Variants in C1QTNF4 observed in about 807,000 individuals in gnomAD.
C1QTNF4 encodes C1q and TNF related 4, also known as complement C1q tumor necrosis factor-related protein 4.
Under a neutral mutation model 14.6 loss-of-function variants are expected in C1QTNF4, and 12 were observed. The observed-to-expected ratio is 0.82, with a 90% confidence interval of 0.53 to 1.33. The LOEUF is 1.33. Among genes scored for constraint, C1QTNF4 ranks in the 40% most tolerant of loss-of-function variants. The probability of loss-of-function intolerance (pLI) is 0.00; values close to 1 mark genes in which losing one functional copy is unlikely to be tolerated. For missense variants in C1QTNF4, 558 were observed against 500.3 expected (o/e 1.12, Z -1.10); for synonymous variants, 278 against 246.6 (o/e 1.13, Z -1.19).
At position 47,589,852 on chromosome 11, in the gene C1QTNF4, G is replaced by T; in HGVS notation, c.959C>A (p.Pro320Gln). 1 of 1,547,956 alleles carries T rather than the reference G, an allele frequency of 6.5e-7. No individual in the cohort carries two copies. Among genetic ancestry groups the T allele is most frequent in the Non-Finnish European group, 8.7e-7 (1 of 1,144,736 alleles). Residue 320 changes from proline (P) to glutamine (Q), a missense_variant, in exon 2 of 2, where the codon CCG becomes CAG. Physicochemically the swap from Pro to Gln is moderately conservative, Grantham distance 76 (BLOSUM62 -1). Transcript: ENST00000302514. ...TAGCTCCGAGGCCCCGAGGCCCGGC[G>T]GGGCGGCGGGGGCGAGGTCGGGGTA... Reference protein sequence around the residue: ...LVYPDLAPAAPPGLGASELL With the variant: ...LVYPDLAPAAQPGLGASELL
At chr11:47,594,736 AT>A, upstream of C1QTNF4, 2 of 152,492 alleles carry the variant, frequency 1.3e-5, no homozygotes, top group Non-Finnish European at 2.9e-5. Flanking sequence ...GGAAGGTGAG[AT>A]TTTGGCTGGG....
chr11:47,590,394 G>T lies in C1QTNF4; in HGVS notation c.417C>A (p.Ala139=). 6.8e-7 allele frequency: 1 copy of T among 1,473,462 alleles called. No homozygotes were observed. The highest frequency in any genetic ancestry group is 1.3e-5 in the South Asian group (1 of 75,246). 91.3% of individuals were successfully genotyped at this position (1,473,462 alleles called of 1,614,324 possible). The part of the protein sequence containing the change: ...GDTVWLRLHG[A]PQYALGAPGA... ...CGGGCGCGCCTAGCGCGTACTGCGG[G>T]GCGCCATGCAGCCGCAGCCACACTG... Residue 139 remains alanine, a synonymous_variant, in exon 2 of 2, where the codon GCC becomes GCA. Coordinates refer to ENST00000302514, the MANE Select transcript of C1QTNF4 (RefSeq NM_031909.3).
chr11:47,590,322 G>C lies in C1QTNF4; in HGVS notation c.489C>G (p.Asp163Glu), dbSNP rs751180497. 3.2e-6 allele frequency: 4 copies of C among 1,265,220 alleles called. No individual in the cohort carries two copies. The highest frequency in any genetic ancestry group is 4.0e-6 in the Non-Finnish European group (4 of 1,003,976). 78.4% of individuals were successfully genotyped at this position (1,265,220 alleles called of 1,614,324 possible). A position where few individuals can be genotyped will look rare whatever the true frequency, so the allele number is the denominator to read the frequency against. ...GYLVYADADA[D>E]APARGPPAPP... ...GCGCGGGCGGCCCGCGCGCAGGCGCGTCAGCGTCGGCGTCGGCGTAGACTA... is the reference window on the plus strand; with the variant it reads ...GCGCGGGCGGCCCGCGCGCAGGCGCCTCAGCGTCGGCGTCGGCGTAGACTA... The change falls in exon 2 of 2, where the codon GAC becomes GAG. Residue 163 changes from aspartate (D) to glutamate (E), a missense_variant. Coordinates refer to ENST00000302514, the MANE Select transcript of C1QTNF4 (RefSeq NM_031909.3).
At position 47,590,455 on chromosome 11, in the gene C1QTNF4, C is replaced by T; in HGVS notation, c.356G>A (p.Ser119Asn). Residue 119 changes from serine (S) to asparagine (N), a missense_variant, in exon 2 of 2, where the codon AGC becomes AAC. Ser to Asn is a conservative substitution (Grantham distance 46). Coordinates refer to ENST00000302514, the MANE Select transcript of C1QTNF4 (RefSeq NM_031909.3). ...GTCGAGCTGCAGCATGGCGCTCTGG[C>T]TGGCTGCGCGCCGCGCGCCTGGCCG... ...QRRPGARRAA[S>N]QSAMLQLDYG... 5 of 1,517,152 alleles carry T rather than the reference C, an allele frequency of 3.3e-6. No individual in the cohort carries two copies. The highest frequency in any genetic ancestry group is 2.5e-5 in the South Asian group (2 of 80,556). 94.0% of individuals were successfully genotyped at this position (1,517,152 alleles called of 1,614,324 possible). A position where few individuals can be genotyped will look rare whatever the true frequency, so the allele number is the denominator to read the frequency against.
chr11:47,589,872 G>A lies in C1QTNF4; in HGVS notation c.939C>T (p.Pro313=), dbSNP rs1312300949. The change falls in exon 2 of 2, where the codon CCC becomes CCT. Residue 313 remains proline, a synonymous_variant. Coordinates refer to ENST00000302514, the MANE Select transcript of C1QTNF4 (RefSeq NM_031909.3). ...CCGGCGGGGCGGCGGGGGCGAGGTC[G>A]GGGTACACCAGGAAGCCGGAGAAGG... The part of the protein sequence containing the change: ...YITFSGFLVY[P]DLAPAAPPGL... The A allele has an allele frequency of 4.5e-6, 7 of 1,555,494 alleles. No individual in the cohort carries two copies. Among genetic ancestry groups the A allele is most frequent in the Admixed American group, 3.9e-5 (2 of 51,370 alleles).
chr11:47,591,141 C>G (rs914000997), intron 1 of C1QTNF4, among the ~76,000 whole-genome samples: 2 of 151,520 alleles, frequency 1.3e-5, no homozygotes, highest in Non-Finnish European at 2.9e-5. Context: ...TGTAGTGGCA[C>G]GATCTCGTTT....
rs1360641181 is a variant in C1QTNF4, at chr11:47,590,060, G to T, written c.751C>A (p.Arg251Ser). Reference protein sequence around the residue: ...KTLSVKLMKNRDEVQAMIYDD... With the variant: ...KTLSVKLMKNSDEVQAMIYDD... ...TAAATCATGGCCTGCACCTCGTCGC[G>T]GTTCTTCATCAGCTTAACCGACAGC... Residue 251 changes from arginine (R) to serine (S), a missense_variant, in exon 2 of 2, where the codon CGC (arginine) becomes AGC (serine). Coordinates refer to ENST00000302514, the MANE Select transcript of C1QTNF4 (RefSeq NM_031909.3). 1 of 1,612,722 alleles carries T rather than the reference G, an allele frequency of 6.2e-7. No homozygotes were observed.
intron 1 of C1QTNF4, among the ~76,000 whole-genome samples, chr11:47,593,625 G>A (rs150678090): frequency 2.0e-5 from 3 of 152,224 alleles, no homozygotes; most frequent in African/African-American, 7.2e-5. Flanking sequence ...TCAGAGGTGT[G>A]GGAGGGTGTG....
Position 47,590,732 on chromosome 11 carries a change from C to T in C1QTNF4, c.79G>A (p.Glu27Lys). 1 of 1,608,058 alleles carries T rather than the reference C, an allele frequency of 6.2e-7. No homozygotes were observed. The highest frequency in any genetic ancestry group is 1.3e-5 in the African/African-American group (1 of 74,924). ...GCCGCCGAGAAGGCCGAGCGCAGCT[C>T]AGAGGATCCCGGGCCGGGGGTCGGG... ...LGPTPGPGSS[E>K]LRSAFSAART... is the part of the protein sequence containing the mutation. The change falls in exon 2 of 2, where the codon GAG (glutamate) becomes AAG (lysine). Residue 27 changes from glutamate (E) to lysine (K), a missense_variant. Coordinates refer to ENST00000302514, the MANE Select transcript of C1QTNF4 (RefSeq NM_031909.3).
At position 47,590,745 on chromosome 11, in the gene C1QTNF4, G is replaced by T; in HGVS notation, c.66C>A (p.Gly22=). 3.7e-6 allele frequency: 6 copies of T among 1,600,626 alleles called. No homozygotes were observed. The highest frequency in any genetic ancestry group is 5.1e-6 in the Non-Finnish European group (6 of 1,174,470). Residue 22 remains glycine (G), a synonymous_variant, in exon 2 of 2, where the codon GGC becomes GGA. Transcript: ENST00000302514. The stretch of plus-strand genomic sequence containing the variant: ...CCGAGCGCAGCTCAGAGGATCCCGG[G>T]CCGGGGGTCGGGCCCAGGGCCCAGC... ...AACWALGPTP[G]PGSSELRSAF... is the part of the protein sequence containing the mutation.
chr11:47,594,488 C>CT (rs2097277204), upstream of C1QTNF4: 1 of 152,464 alleles, frequency 6.6e-6, no homozygotes, highest in Admixed American at 6.5e-5. Context: ...AGGGGCTCCG[C>CT]ACGGAGTCTG....
chr11:47,591,626 G>A (rs1240387570), intron 1 of C1QTNF4, among the ~76,000 whole-genome samples: 2 of 151,956 alleles, frequency 1.3e-5, no homozygotes, highest in Non-Finnish European at 2.9e-5. Flanking sequence ...TTGACCTTGT[G>A]ATCCGCCTGC....
chr11:47,590,381 G>A lies in C1QTNF4; in HGVS notation c.430C>T (p.Leu144=), dbSNP rs567967350. The A allele has an allele frequency of 1.1e-4, 161 of 1,451,078 alleles. No individual in the cohort carries two copies. The South Asian group carries it at 1.4e-3, about 12-fold the overall frequency. 89.9% of individuals were successfully genotyped at this position (1,451,078 alleles called of 1,614,324 possible). A position where few individuals can be genotyped will look rare whatever the true frequency, so the allele number is the denominator to read the frequency against. The change falls in exon 2 of 2, where the codon CTA becomes TTA. Residue 144 remains leucine, a synonymous_variant. Coordinates refer to ENST00000302514, the MANE Select transcript of C1QTNF4 (RefSeq NM_031909.3). The stretch of plus-strand genomic sequence containing the variant: ...CTGAAGGTGGCGCCGGGCGCGCCTA[G>A]CGCGTACTGCGGGGCGCCATGCAGC... ...LRLHGAPQYA[L]GAPGATFSGY... is the part of the protein sequence containing the mutation.
chr11:47,590,018 G>A lies in C1QTNF4; in HGVS notation c.793C>T (p.Arg265Trp), dbSNP rs1215985881. 6.2e-7 allele frequency: 1 copy of A among 1,611,768 alleles called. No homozygotes were observed. Among genetic ancestry groups the A allele is most frequent in the Admixed American group, 1.7e-5 (1 of 59,858 alleles). ...CTCTGGCTCTGCATCTCGCGGCGCC[G>A]CGACGCGCCGTCGTCGTAAATCATG... is the stretch of plus-strand genomic sequence containing the variant. ...QAMIYDDGASRRREMQSQSVM... is the reference protein window; with the variant it reads ...QAMIYDDGASWRREMQSQSVM... The change falls in exon 2 of 2, where the codon CGG becomes TGG. Residue 265 changes from arginine to tryptophan, a missense_variant. By Grantham distance (101) the Arg-to-Trp change is moderately radical (BLOSUM62 -3). Coordinates refer to ENST00000302514, the MANE Select transcript of C1QTNF4 (RefSeq NM_031909.3).
Position 47,590,036 on chromosome 11 carries a change from A to T in C1QTNF4, c.775T>A (p.Tyr259Asn). 8 of 1,612,410 alleles carry T rather than the reference A, an allele frequency of 5.0e-6. No homozygotes were observed. The highest frequency in any genetic ancestry group is 6.8e-6 in the Non-Finnish European group (8 of 1,178,912). The change falls in exon 2 of 2, where the codon TAC (tyrosine) becomes AAC (asparagine). Residue 259 changes from tyrosine (Y) to asparagine (N), a missense_variant. Physicochemically the swap from Tyr to Asn is moderately radical, Grantham distance 143. Coordinates refer to ENST00000302514, the MANE Select transcript of C1QTNF4 (RefSeq NM_031909.3). The part of the protein sequence containing the change: ...KNRDEVQAMI[Y>N]DDGASRRREM... Reference sequence around the variant, plus strand: ...CGGCGCCGCGACGCGCCGTCGTCGTAAATCATGGCCTGCACCTCGTCGCGG... The same window carrying T: ...CGGCGCCGCGACGCGCCGTCGTCGTTAATCATGGCCTGCACCTCGTCGCGG...
intron 1 of C1QTNF4, among the ~76,000 whole-genome samples, chr11:47,591,048 C>CT (rs2097275365): frequency 6.6e-6 from 1 of 152,184 alleles, no homozygotes; most frequent in Non-Finnish European, 1.5e-5. Flanking sequence ...TTCAGTAGGT[C>CT]TGTGATGGGC....
intron 1 of C1QTNF4, among the ~76,000 whole-genome samples, chr11:47,593,755 C>T (rs1193825615): frequency 6.6e-6 from 1 of 152,030 alleles, no homozygotes; most frequent in Non-Finnish European, 1.5e-5. Flanking sequence ...AGACCCAGAG[C>T]CCCGGAGCCA....
chr11:47,592,670 A>C (rs2097276231), intron 1 of C1QTNF4, among the ~76,000 whole-genome samples: 1 of 152,178 alleles, frequency 6.6e-6, no homozygotes, highest in African/African-American at 2.4e-5. Context: ...CAGGAAAGAA[A>C]TGAGCTGGAG....
rs777611706 is a variant in C1QTNF4 at position 47,590,392 on chromosome 11, G to C, written c.419C>G (p.Pro140Arg). 8.3e-5 allele frequency: 122 copies of C among 1,470,810 alleles called. No homozygotes were observed. The highest frequency in any genetic ancestry group is 9.7e-5 in the Non-Finnish European group (108 of 1,118,746). The allele number at this position is 1,470,810 out of a possible 1,614,324, so 91.1% of individuals were successfully genotyped here. Residue 140 changes from proline to arginine, a missense_variant, in exon 2 of 2, where the codon CCG becomes CGG. Transcript: ENST00000302514. ...DTVWLRLHGA[P>R]QYALGAPGAT... Reference sequence around the variant, plus strand: ...GCCGGGCGCGCCTAGCGCGTACTGCGGGGCGCCATGCAGCCGCAGCCACAC... The same window carrying C: ...GCCGGGCGCGCCTAGCGCGTACTGCCGGGCGCCATGCAGCCGCAGCCACAC...
Sources: allele counts gnomAD v4.1 joint callset (sites outside exome capture counted in the v4.1 genomes callset), GRCh38; gene constraint gnomAD v4.1.1; transcripts MANE v1.5; gene names NCBI Gene and HGNC (gene_info 2026-07-23, HGNC 2026-07-21).